The following YEATS2 variants were observed in gnomAD, a reference collection of about 807,000 sequenced individuals.
YEATS2 encodes the protein YEATS domain containing 2.
YEATS2 carries 77 observed loss-of-function variants against 163.2 expected under a neutral mutation model. The ratio of observed to expected loss-of-function variants is 0.47; its 90% CI spans 0.39 to 0.57. The LOEUF is 0.57. YEATS2 is among the 20% of genes least tolerant of loss of function. The pLI, the probability that YEATS2 is intolerant of heterozygous loss-of-function variation, is 0.00. For synonymous variants in YEATS2, 631 were observed against 645.1 expected, an observed-to-expected ratio of 0.98 and a Z score of 0.33; for missense variants, 1,549 against 1,729.8, an observed-to-expected ratio of 0.90 and a Z score of 1.85.
chr3:183,778,692 T>C (rs1342072507), intron 19 of YEATS2, among the ~76,000 whole-genome samples: 1 of 152,184 alleles, frequency 6.6e-6, no homozygotes, highest in Non-Finnish European at 1.5e-5. Flanking sequence ...TCAGTAGTTT[T>C]CTTAGTAATT....
At chr3:183,792,311 A>G (rs1298272385) in intron 21 of YEATS2, among the ~76,000 whole-genome samples, 2 of 151,676 alleles carry the variant, frequency 1.3e-5, no homozygotes, top group Non-Finnish European at 2.9e-5. Context: ...GCACCCCCCA[A>G]CAGGCCACGG....
intron 1 of YEATS2, among the ~76,000 whole-genome samples, chr3:183,708,711 A>G (rs775369936): frequency 1.3e-5 from 2 of 152,092 alleles, no homozygotes; most frequent in Non-Finnish European, 2.9e-5. Flanking sequence ...TTTAAAAAAT[A>G]AAAAGATTAG....
chr3:183,808,810 C>T (rs371677475), intron 29 of YEATS2: 9 of 271,716 alleles, frequency 3.3e-5, no homozygotes, highest in East Asian at 2.9e-4. Context: ...GAGCCAAGAT[C>T]GCGCCACTGC....
chr3:183,798,510 C>T lies in YEATS2; in HGVS notation c.3227-381C>T, dbSNP rs554557248. On this transcript the variant is annotated intron_variant, in intron 22 of 30. Transcript: ENST00000305135. ...CTGGGACTACAGGCGCGTGCCACCA[C>T]GCCTGGCTAATTTTCGTATTTTTAG... 2.6e-3 allele frequency among the ~76,000 whole-genome samples: 401 copies of T among 152,186 alleles called. 2 individuals are homozygous for T. The highest frequency in any genetic ancestry group is 9.2e-3 in the African/African-American group (383 of 41,520).
intron 1 of YEATS2, 93 bp from the exon 2 acceptor site, chr3:183,715,051 C>G: frequency 1.5e-6 from 1 of 659,932 alleles, no homozygotes; most frequent in Middle Eastern, 3.1e-4. Context: ...TTTGTTTGTA[C>G]ACATATATTT....
In YEATS2 at chr3:183,700,766, G is replaced by A. The variant is rs1229447990; in HGVS notation, c.-20+2773G>A. Among the ~76,000 whole-genome samples, 7 of 86,312 alleles carry A rather than the reference G, an allele frequency of 8.1e-5. No individual in the cohort carries two copies. The South Asian group carries it at 1.4e-3, about 17-fold the overall frequency. 56.6% of individuals were successfully genotyped at this position (86,312 alleles called of 152,430 possible). A position where few individuals can be genotyped will look rare whatever the true frequency, so the allele number is the denominator to read the frequency against. On this transcript the variant is annotated intron_variant, in intron 1 of 30. Coordinates refer to ENST00000305135, the MANE Select transcript of YEATS2 (RefSeq NM_018023.5). The stretch of plus-strand genomic sequence containing the variant: ...AGCCTGGGCGACAGAGGGAGACTTC[G>A]TCTCAAAAAAAAAAAAAAAAAAAAA...
In YEATS2 at chr3:183,798,017, A is replaced by T. The variant is rs370008226; in HGVS notation, c.3192A>T (p.Gly1064=). 2.0e-5 allele frequency: 32 copies of T among 1,614,094 alleles called. No individual in the cohort carries two copies. In the African/African-American group the frequency reaches 4.0e-4, roughly 20 times the overall value. The change falls in exon 22 of 31, where the codon GGA becomes GGT. Residue 1064 remains glycine, a synonymous_variant. Coordinates refer to ENST00000305135, the MANE Select transcript of YEATS2 (RefSeq NM_018023.5). ...AACCACTCAGCGTAAACACATCTGGAGGGGTGCAGACGATCCTGATGCCTG... is the reference window on the plus strand; with the variant it reads ...AACCACTCAGCGTAAACACATCTGGTGGGGTGCAGACGATCCTGATGCCTG... ...QLKPLSVNTS[G]GVQTILMPVN...
intron 29 of YEATS2, 123 bp downstream of exon 29, chr3:183,808,227 C>A: frequency 1.3e-6 from 1 of 743,950 alleles, no homozygotes. Flanking sequence ...CTTATTTGGG[C>A]TTAAGTTCTC....
chr3:183,761,424 A>G, intron 13 of YEATS2, 83 bp from the exon 14 acceptor site: 2 of 1,245,088 alleles, frequency 1.6e-6, no homozygotes, highest in Non-Finnish European at 2.3e-6. Flanking sequence ...AGAATGTCAC[A>G]GGTTTGTATT....
At chr3:183,715,381 G>A in intron 2 of YEATS2, 119 bp downstream of exon 2, 1 of 708,684 alleles carries the variant, frequency 1.4e-6, no homozygotes, top group South Asian at 1.9e-5. Flanking sequence ...GGGTTCGTGA[G>A]AGAGATTAGC....
At chr3:183,699,630 A>T (rs1713856183) in intron 1 of YEATS2, among the ~76,000 whole-genome samples, 1 of 151,824 alleles carries the variant, frequency 6.6e-6, no homozygotes, top group Non-Finnish European at 1.5e-5. Context: ...GAGGGGAAAG[A>T]GTGTGGAGAA....
chr3:183,764,118 T>G (rs1721655087), intron 15 of YEATS2, among the ~76,000 whole-genome samples: 1 of 151,992 alleles, frequency 6.6e-6, no homozygotes, highest in Non-Finnish European at 1.5e-5. Context: ...ACGCCCGTAA[T>G]CCCAGCACTT....
intron 1 of YEATS2, among the ~76,000 whole-genome samples, chr3:183,706,692 T>C (rs1349755379): frequency 1.3e-5 from 2 of 152,186 alleles, no homozygotes; most frequent in Non-Finnish European, 2.9e-5. Context: ...GGCGCATACT[T>C]GTAATCCCAG....
Position 183,718,559 on chromosome 3 carries a change from C to T in YEATS2, c.258C>T (p.Tyr86=). 3 of 1,613,468 alleles carry T rather than the reference C, an allele frequency of 1.9e-6. No homozygotes were observed. The highest frequency in any genetic ancestry group is 2.2e-5 in the South Asian group (2 of 90,924). The change falls in exon 4 of 31, where the codon TAC becomes TAT. Residue 86 remains tyrosine, a synonymous_variant. Coordinates refer to ENST00000305135, the MANE Select transcript of YEATS2 (RefSeq NM_018023.5). ...TGCGTGCCTGCATTGTAGCAAACTA[C>T]TATGCTTCTGCAGGTCTTCTAAAAG... ...DKLRACIVAN[Y]YASAGLLKVS... is the part of the protein sequence containing the mutation.
At position 183,728,496 on chromosome 3, in the gene YEATS2, C is replaced by T. The variant is rs1326431840; in HGVS notation, c.651-194C>T. Among the ~76,000 whole-genome samples the T allele has an allele frequency of 3.9e-5, 6 of 152,156 alleles. No individual in the cohort carries two copies. In the East Asian group the frequency reaches 1.2e-3, roughly 29 times the overall value. ...AGTGTGAGCCAGCCACTGCATCCAG[C>T]CCCAGCTATGTTTTAGAAAGAAAGA... On this transcript the variant is annotated intron_variant, in intron 6 of 30. Coordinates refer to ENST00000305135, the MANE Select transcript of YEATS2 (RefSeq NM_018023.5).
chr3:183,717,545 C>T, intron 2 of YEATS2, 106 bp from the exon 3 acceptor site: 1 of 804,534 alleles, frequency 1.2e-6, no homozygotes, highest in Non-Finnish European at 1.9e-6. Flanking sequence ...TAGGTTTCTC[C>T]ACTTTAGAGT....
chr3:183,779,783 C>T (rs1255839460), intron 19 of YEATS2, among the ~76,000 whole-genome samples: 2 of 151,820 alleles, frequency 1.3e-5, no homozygotes, highest in Non-Finnish European at 2.9e-5. Flanking sequence ...CTGCAGCCTC[C>T]GCCTCCTGGG....
intron 1 of YEATS2, among the ~76,000 whole-genome samples, chr3:183,708,728 T>G (rs911370791): frequency 6.6e-6 from 1 of 151,956 alleles, no homozygotes; most frequent in Non-Finnish European, 1.5e-5. Flanking sequence ...TTAGCAGGTA[T>G]GGGCACACAC....
chr3:183,769,818 G>C (rs975954804), intron 15 of YEATS2, among the ~76,000 whole-genome samples: 1 of 151,838 alleles, frequency 6.6e-6, no homozygotes, highest in Non-Finnish European at 1.5e-5. Context: ...TCAGCCTCCC[G>C]AGTAGCTGGG....
Sources: allele counts gnomAD v4.1 joint callset (sites outside exome capture counted in the v4.1 genomes callset), GRCh38; gene constraint gnomAD v4.1.1; transcripts MANE v1.5; gene names NCBI Gene and HGNC (gene_info 2026-07-23, HGNC 2026-07-21).